Variants in HDHD5 observed in about 807,000 individuals in gnomAD.
HDHD5 encodes haloacid dehalogenase-like hydrolase domain-containing 5.
HDHD5 carries 34 observed loss-of-function variants against 35.5 expected under a neutral mutation model. The ratio of observed to expected loss-of-function variants is 0.96; its 90% confidence interval spans 0.73 to 1.28. The LOEUF (loss-of-function observed/expected upper bound fraction) is 1.28, where lower values mean the gene tolerates loss of function less well. Among genes scored for constraint, HDHD5 ranks in the 50% most tolerant of loss-of-function variants. HDHD5 has a pLI of 0.00. For synonymous variants in HDHD5, 248 were observed against 240.6 expected (o/e 1.03, Z -0.29); for missense variants, 589 against 560.2 (o/e 1.05, Z -0.52).
At chr22:17,140,489 G>T (rs1238840116) in intron 6 of HDHD5, among the ~76,000 whole-genome samples, 1 of 152,112 alleles carries the variant, frequency 6.6e-6, no homozygotes, top group East Asian at 1.9e-4. Context: ...GGAGGCTGAG[G>T]CACGGGGGTC....
upstream of HDHD5, among the ~76,000 whole-genome samples, chr22:17,163,738 G>A (rs1164059013): frequency 1.3e-5 from 2 of 152,156 alleles, no homozygotes; most frequent in South Asian, 2.1e-4. Context: ...GCAGGAATCC[G>A]AGGTGAGCCA....
In HDHD5 at chr22:17,137,670, CACAGA is replaced by C; in HGVS notation, c.*346_*350del. On this transcript the variant is annotated 3_prime_UTR_variant, in exon 8 of 8. Transcript: ENST00000336737. ...GCCTTCAGTGCCGGCAAAGGCTCTG[CACAGA>C]CATCCACAGTATTCCACACTGCCTC... is the stretch of plus-strand genomic sequence containing the variant. 4.2e-6 allele frequency: 1 copy of C among 239,644 alleles called. No individual in the cohort carries two copies. The highest frequency in any genetic ancestry group is 8.1e-6 in the Non-Finnish European group (1 of 124,030). The allele number at this position is 239,644 out of a possible 1,614,324, so 14.8% of individuals were successfully genotyped here.
At position 17,138,332 on chromosome 22, in the gene HDHD5, C is replaced by T. The variant is rs1225027425; in HGVS notation, c.961G>A (p.Gly321Ser). Residue 321 changes from glycine (G) to serine (S), a missense_variant, in exon 8 of 8, where the codon GGC becomes AGC. Coordinates refer to ENST00000336737, the MANE Select transcript of HDHD5 (RefSeq NM_033070.3). ...AGGTACTGGTGGAACAGGTTGGCGCCGTATACGTCAGACATAGGGTTATCA... is the reference window on the plus strand; with the variant it reads ...AGGTACTGGTGGAACAGGTTGGCGCTGTATACGTCAGACATAGGGTTATCA... ...VGDNPMSDVY[G>S]ANLFHQYLQK... The T allele has an allele frequency of 9.3e-6, 15 of 1,613,700 alleles. No homozygotes were observed. The highest frequency in any genetic ancestry group is 3.3e-5 in the Admixed American group (2 of 59,960).
chr22:17,159,042 G>A (rs71312077), intron 1 of HDHD5, 84 bp downstream of exon 1: 72 of 1,132,002 alleles, frequency 6.4e-5, no homozygotes, highest in East Asian at 2.8e-4. Context: ...ATACCAGCCC[G>A]GCCGCCCCTC....
At chr22:17,156,186 GC>G (rs2061787899) in intron 1 of HDHD5, among the ~76,000 whole-genome samples, 1 of 152,132 alleles carries the variant, frequency 6.6e-6, no homozygotes, top group African/African-American at 2.4e-5. Context: ...GCATATGACT[GC>G]CCCCTAAAGA....
At chr22:17,156,972 G>T (rs1047386563) in intron 1 of HDHD5, among the ~76,000 whole-genome samples, 6 of 151,722 alleles carry the variant, frequency 4.0e-5, no homozygotes, top group African/African-American at 1.5e-4. Context: ...CACGTACTTG[G>T]GAGGCTGAGG....
At chr22:17,162,810 T>G (rs1242383809), upstream of HDHD5, among the ~76,000 whole-genome samples, 1 of 152,240 alleles carries the variant, frequency 6.6e-6, no homozygotes, top group African/African-American at 2.4e-5. Flanking sequence ...CTATTCTAGG[T>G]GTCTTCCCAT....
intron 5 of HDHD5, 151 bp downstream of exon 5, chr22:17,142,947 A>G (rs5747009): frequency 0.31 from 214,058 of 691,730 alleles, 37,205 homozygotes; most frequent in East Asian, 0.68. Context: ...CAGAGGTGGT[A>G]AGTGGCAGAT....
chr22:17,148,623 G>C (rs1366872041), intron 2 of HDHD5, 63 bp from the exon 3 acceptor site: 2 of 1,266,294 alleles, frequency 1.6e-6, no homozygotes, highest in African/African-American at 2.9e-5. Flanking sequence ...GAAATAATGA[G>C]ACAGGTGGCA....
intron 3 of HDHD5, 82 bp from the exon 4 acceptor site, chr22:17,145,199 A>G (rs1408156008): frequency 6.3e-7 from 1 of 1,577,082 alleles, no homozygotes; most frequent in African/African-American, 1.4e-5. Context: ...AGTGAAGGGA[A>G]CACAACCCAC....
At chr22:17,161,967 A>C (rs2061866236), upstream of HDHD5, among the ~76,000 whole-genome samples, 1 of 152,180 alleles carries the variant, frequency 6.6e-6, no homozygotes, top group Non-Finnish European at 1.5e-5. Flanking sequence ...TTAATAAATA[A>C]CATGGGACAG....
At position 17,157,107 on chromosome 22, in the gene HDHD5, C is replaced by T. The variant is rs879739142; in HGVS notation, c.126+2019G>A. Reference sequence around the variant, plus strand: ...ACATACACACACACACACACACACACACACACAAAAGAAAAAAGCTATGGA... The same window carrying T: ...ACATACACACACACACACACACACATACACACAAAAGAAAAAAGCTATGGA... On this transcript the variant is annotated intron_variant, in intron 1 of 7. Coordinates refer to ENST00000336737, the MANE Select transcript of HDHD5 (RefSeq NM_033070.3). 4.6e-3 allele frequency among the ~76,000 whole-genome samples: 617 copies of T among 134,334 alleles called. 4 individuals are homozygous for T. Among genetic ancestry groups the T allele is most frequent in the Middle Eastern group, 0.023 (6 of 264 alleles). 88.1% of individuals were successfully genotyped at this position (134,334 alleles called of 152,430 possible).
Position 17,149,550 on chromosome 22 carries a change from C to G in HDHD5, c.322G>C (p.Gly108Arg), listed in dbSNP as rs977036315. 5.6e-6 allele frequency: 9 copies of G among 1,611,898 alleles called. No individual in the cohort carries two copies. The highest frequency in any genetic ancestry group is 2.7e-5 in the African/African-American group (2 of 74,840). Residue 108 changes from glycine (G) to arginine (R), a missense_variant, in exon 2 of 8, where the codon GGG becomes CGG. Physicochemically the swap from Gly to Arg is moderately radical, Grantham distance 125. Transcript: ENST00000336737. ...TCTGGCTGCCTTCTCACCTCGCACC[C>G]CAGCAGGGCTGACAGCTCCTGGGCT... is the stretch of plus-strand genomic sequence containing the variant. ...SKAQELSALL[G>R]CEVDADQVIL...
At chr22:17,140,965 G>T in intron 6 of HDHD5, 94 bp downstream of exon 6, 2 of 1,185,032 alleles carry the variant, frequency 1.7e-6, no homozygotes, top group Middle Eastern at 2.1e-4. Context: ...CCGGCACCTG[G>T]GGTGTCAGGA....
intron 6 of HDHD5, among the ~76,000 whole-genome samples, chr22:17,139,554 C>T (rs975222388): frequency 4.0e-5 from 6 of 151,610 alleles, no homozygotes; most frequent in African/African-American, 7.3e-5. Flanking sequence ...AAACTGGGGA[C>T]GGTATTCTTC....
intron 1 of HDHD5, chr22:17,158,858 A>C: frequency 4.4e-5 from 11 of 252,202 alleles, no homozygotes; most frequent in East Asian, 1.4e-4. Context: ...ACTGCCGGGA[A>C]GCGCAGGGGC....
chr22:17,156,974 A>C (rs2061800270), intron 1 of HDHD5, among the ~76,000 whole-genome samples: 1 of 151,648 alleles, frequency 6.6e-6, no homozygotes, highest in South Asian at 2.1e-4. Context: ...CGTACTTGGG[A>C]GGCTGAGGCA....
chr22:17,154,242 G>A (rs928789526), intron 1 of HDHD5, among the ~76,000 whole-genome samples: 103 of 151,352 alleles, frequency 6.8e-4, no homozygotes, highest in African/African-American at 2.4e-3. Context: ...CAGCACTTTG[G>A]CAGGCCGAGG....
At chr22:17,145,763 G>C (rs1481699612) in intron 3 of HDHD5, among the ~76,000 whole-genome samples, 1 of 152,112 alleles carries the variant, frequency 6.6e-6, no homozygotes, top group Non-Finnish European at 1.5e-5. Context: ...TGTTCTCTGA[G>C]AACAGTGCTG....
Sources: gnomAD v4.1 joint callset for allele counts (sites outside exome capture counted in the v4.1 genomes callset) on GRCh38, gnomAD v4.1.1 for gene constraint, MANE v1.5 for transcripts, NCBI Gene and HGNC (gene_info 2026-07-23, HGNC 2026-07-21) for gene names.